Variants in PCDHAC1 observed in about 807,000 individuals in gnomAD.
The protein encoded by PCDHAC1 is protocadherin alpha subfamily C, 1.
PCDHAC1 carries 42 observed loss-of-function variants against 60.0 expected under a neutral mutation model. The observed-to-expected ratio is 0.70, with a 90% CI of 0.55 to 0.90. PCDHAC1 has a LOEUF of 0.90. Among genes scored for constraint, PCDHAC1 ranks in the 40% least tolerant of loss-of-function variants. PCDHAC1 has a pLI of 0.00. For synonymous variants in PCDHAC1, 468 were observed against 499.3 expected (o/e 0.94, Z 0.84); for missense variants, 1,160 against 1,222.3 (o/e 0.95, Z 0.76).
At chr5:140,990,273 G>A (rs2097384089) in intron 3 of PCDHAC1, among the ~76,000 whole-genome samples, 2 of 152,100 alleles carry the variant, frequency 1.3e-5, no homozygotes, top group African/African-American at 4.8e-5. Flanking sequence ...AATGTACCCC[G>A]GGTCTTGAGA....
At chr5:140,946,151 C>T (rs943826321) in intron 1 of PCDHAC1, among the ~76,000 whole-genome samples, 6 of 151,694 alleles carry the variant, frequency 4.0e-5, no homozygotes, top group East Asian at 1.9e-4. Context: ...ACAAATAACA[C>T]GATTTAAAAG....
intron 1 of PCDHAC1, among the ~76,000 whole-genome samples, chr5:140,976,851 T>C (rs1402328541): frequency 6.6e-6 from 1 of 152,206 alleles, no homozygotes; most frequent in African/African-American, 2.4e-5. Context: ...ATCCCTTTCA[T>C]AGAGTTTACT....
chr5:140,985,018 A>G (rs1384418667), intron 3 of PCDHAC1, among the ~76,000 whole-genome samples: 2 of 152,026 alleles, frequency 1.3e-5, no homozygotes, highest in Non-Finnish European at 2.9e-5. Flanking sequence ...GCTCACAGCA[A>G]CCTCTGCCTC....
intron 1 of PCDHAC1, among the ~76,000 whole-genome samples, chr5:140,942,747 A>C (rs1291200302): frequency 6.6e-6 from 1 of 152,232 alleles, no homozygotes; most frequent in African/African-American, 2.4e-5. Flanking sequence ...AAAATCTTGT[A>C]TAAATGAGAT....
At chr5:141,002,684 G>C (rs1432098268) in intron 3 of PCDHAC1, among the ~76,000 whole-genome samples, 2 of 152,180 alleles carry the variant, frequency 1.3e-5, no homozygotes, top group Non-Finnish European at 2.9e-5. Context: ...TATACGACGT[G>C]CAGATTTGTT....
rs1554206132 is a variant in PCDHAC1, at chr5:140,928,678, C to A, written c.1786C>A (p.Leu596Ile). 3.1e-6 allele frequency: 5 copies of A among 1,614,192 alleles called. No individual in the cohort carries two copies. The East Asian group carries it at 1.1e-4, about 36-fold the overall frequency. ...EDADSGSNAW[L>I]SYHISRASDS... ...TGCTGACAGTGGTTCTAATGCCTGGCTTTCCTACCACATCTCCCGGGCGTC... is the reference window on the plus strand; with the variant it reads ...TGCTGACAGTGGTTCTAATGCCTGGATTTCCTACCACATCTCCCGGGCGTC... Residue 596 changes from leucine (L) to isoleucine (I), a missense_variant, in exon 1 of 4, where the codon CTT (leucine) becomes ATT (isoleucine). Physicochemically the swap from Leu to Ile is conservative, Grantham distance 5. Coordinates refer to ENST00000253807, the MANE Select transcript of PCDHAC1 (RefSeq NM_018898.5).
chr5:140,934,704 T>C (rs185443398), intron 1 of PCDHAC1, among the ~76,000 whole-genome samples: 134 of 152,288 alleles, frequency 8.8e-4, no homozygotes, highest in Non-Finnish European at 1.6e-3. Context: ...TTCCTGGCCA[T>C]CTTACAAAAA....
chr5:140,937,790 T>G (rs2091754196), intron 1 of PCDHAC1, among the ~76,000 whole-genome samples: 1 of 151,512 alleles, frequency 6.6e-6, no homozygotes, highest in Non-Finnish European at 1.5e-5. Flanking sequence ...CGGGCGTATG[T>G]AGTCCCAGCT....
At chr5:140,982,658 C>G (rs530615346) in intron 3 of PCDHAC1, 95 bp downstream of exon 3, 2 of 1,487,730 alleles carry the variant, frequency 1.3e-6, no homozygotes, top group East Asian at 4.9e-5. Context: ...GGCTCTTTTT[C>G]TTTTATATTT....
intron 3 of PCDHAC1, among the ~76,000 whole-genome samples, chr5:140,995,339 G>A (rs782776966): frequency 1.3e-4 from 20 of 152,026 alleles, no homozygotes; most frequent in Non-Finnish European, 7.4e-5. Context: ...TAGTGTAGAC[G>A]GCATGGATAG....
At chr5:140,998,125 A>G (rs2097797565) in intron 3 of PCDHAC1, among the ~76,000 whole-genome samples, 1 of 152,222 alleles carries the variant, frequency 6.6e-6, no homozygotes. Flanking sequence ...CTTGTGAATC[A>G]TAATAGCTAA....
At chr5:140,993,917 A>G (rs779939413) in intron 3 of PCDHAC1, among the ~76,000 whole-genome samples, 1 of 152,190 alleles carries the variant, frequency 6.6e-6, no homozygotes, top group Admixed American at 6.5e-5. Flanking sequence ...CTAGTGATGC[A>G]TTTCTCAGAA....
At chr5:140,954,086 C>T (rs2094976679) in intron 1 of PCDHAC1, among the ~76,000 whole-genome samples, 1 of 152,212 alleles carries the variant, frequency 6.6e-6, no homozygotes, top group African/African-American at 2.4e-5. Context: ...CTTCCAGCTC[C>T]ATCCATGTCC....
chr5:140,975,612 C>T (rs1554236918), intron 1 of PCDHAC1, among the ~76,000 whole-genome samples: 1 of 152,194 alleles, frequency 6.6e-6, no homozygotes, highest in Non-Finnish European at 1.5e-5. Flanking sequence ...ATGTCTTCCA[C>T]ATGGATTTCC....
chr5:140,929,508 A>C (rs1200880949), intron 1 of PCDHAC1, 183 bp downstream of exon 1: 3 of 831,290 alleles, frequency 3.6e-6, no homozygotes, highest in Non-Finnish European at 5.1e-6. Context: ...CCTAGGCCTC[A>C]AGGGACTTAT....
In PCDHAC1 at chr5:141,011,549, GA is replaced by G. The variant is rs2098421039; in HGVS notation, c.*1615del. Reference sequence around the variant, plus strand: ...CCATTGTTAATCAGCTTTTGTGTATGAAAGACACAGTAAAATTTCTTTCTTA... The same window carrying G: ...CCATTGTTAATCAGCTTTTGTGTATGAAGACACAGTAAAATTTCTTTCTTA... On this transcript the variant is annotated 3_prime_UTR_variant, in exon 4 of 4. Coordinates refer to ENST00000253807, the MANE Select transcript of PCDHAC1 (RefSeq NM_018898.5). 1 of 153,674 alleles carries G rather than the reference GA, an allele frequency of 6.5e-6. No individual in the cohort carries two copies. Among genetic ancestry groups the G allele is most frequent in the Non-Finnish European group, 1.5e-5 (1 of 68,008 alleles). The allele number at this position is 153,674 out of a possible 1,614,324, so 9.5% of individuals were successfully genotyped here. A position where few individuals can be genotyped will look rare whatever the true frequency, so the allele number is the denominator to read the frequency against.
intron 1 of PCDHAC1, among the ~76,000 whole-genome samples, chr5:140,945,166 T>C (rs145739178): frequency 2.6e-5 from 4 of 152,112 alleles, no homozygotes; most frequent in African/African-American, 9.6e-5. Context: ...TTGAACTATC[T>C]GAAAAATAAA....
At chr5:140,952,242 C>T (rs1469286013) in intron 1 of PCDHAC1, among the ~76,000 whole-genome samples, 2 of 151,750 alleles carry the variant, frequency 1.3e-5, no homozygotes, top group African/African-American at 4.8e-5. Context: ...CTGCTTAGAA[C>T]TGCTGGTGGA....
At chr5:140,964,212 A>G (rs1195642946) in intron 1 of PCDHAC1, among the ~76,000 whole-genome samples, 11 of 152,244 alleles carry the variant, frequency 7.2e-5, no homozygotes, top group African/African-American at 2.7e-4. Flanking sequence ...TCTTTAGTAC[A>G]ATGTCTTTCA....
Sources: allele counts gnomAD v4.1 joint callset (sites outside exome capture counted in the v4.1 genomes callset), GRCh38; gene constraint gnomAD v4.1.1; transcripts MANE v1.5; gene names NCBI Gene and HGNC (gene_info 2026-07-23, HGNC 2026-07-21).